The following CDH6 variants were observed in gnomAD, a reference collection of about 807,000 sequenced individuals.
The protein encoded by CDH6 is cadherin 6.
CDH6 carries 31 observed loss-of-function variants against 78.0 expected under a neutral mutation model. That is an observed-to-expected ratio of 0.40 (90% CI 0.30 to 0.54). The LOEUF (loss-of-function observed/expected upper bound fraction) is 0.54, where lower values mean the gene tolerates loss of function less well. Among genes scored for constraint, CDH6 ranks in the 20% least tolerant of loss-of-function variants. The probability of loss-of-function intolerance (pLI) is 0.56; values close to 1 mark genes in which losing one functional copy is unlikely to be tolerated. For missense variants in CDH6, 724 were observed against 975.9 expected (o/e 0.74, Z 3.44); for synonymous variants, 376 against 368.8 (o/e 1.02, Z -0.23).
intron 4 of CDH6, among the ~76,000 whole-genome samples, chr5:31,298,095 T>A (rs1189203151): frequency 6.6e-6 from 1 of 152,238 alleles, no homozygotes; most frequent in Non-Finnish European, 1.5e-5. Flanking sequence ...CAAAGTGAAA[T>A]GCCATCTGGA....
Position 31,293,964 on chromosome 5 carries a change from A to AC in CDH6, c.232dup (p.His78ProfsTer6). The AC allele has an allele frequency of 6.3e-7, 1 of 1,575,344 alleles. No homozygotes were observed. Among genetic ancestry groups the AC allele is most frequent in the African/African-American group, 1.4e-5 (1 of 72,510 alleles). Reference sequence around the variant, plus strand: ...TTAATTTTTTTTTTCTACACTAGTTACATTCAGACCAGGATAGAGGAGATG... The same window carrying AC: ...TTAATTTTTTTTTTCTACACTAGTTACCATTCAGACCAGGATAGAGGAGATG... On this transcript the variant is annotated frameshift_variant, in exon 3 of 12. Coordinates refer to ENST00000265071, the MANE Select transcript of CDH6 (RefSeq NM_004932.4). LOFTEE classifies it high-confidence loss of function.
Position 31,307,797 on chromosome 5 carries a change from C to T in CDH6, c.1253+2370C>T, listed in dbSNP as rs76930860. On this transcript the variant is annotated intron_variant, in intron 7 of 11. Transcript: ENST00000265071. The stretch of plus-strand genomic sequence containing the variant: ...TTTAATTAAAAGAGAGAATGTTTTG[C>T]GAATTCAGGCAATATATTTCCATAT... Among the ~76,000 whole-genome samples the T allele has an allele frequency of 3.4e-4, 52 of 152,098 alleles. No individual in the cohort carries two copies. The East Asian group carries it at 8.5e-3, about 25-fold the overall frequency.
chr5:31,262,987 A>C (rs954588724), intron 1 of CDH6, among the ~76,000 whole-genome samples: 1 of 152,236 alleles, frequency 6.6e-6, no homozygotes, highest in Non-Finnish European at 1.5e-5. Context: ...GCATGCTTGC[A>C]GCATACTAAT....
At chr5:31,213,847 A>T (rs1740786712) in intron 1 of CDH6, among the ~76,000 whole-genome samples, 1 of 38,544 alleles carries the variant, frequency 2.6e-5, no homozygotes, top group Admixed American at 2.9e-4. Flanking sequence ...ACCTGTGCTG[A>T]CATAACATCC....
At chr5:31,319,131 G>A (rs190081552) in intron 11 of CDH6, 5 of 178,100 alleles carry the variant, frequency 2.8e-5, no homozygotes, top group Non-Finnish European at 4.8e-5. Context: ...TGATTTTTTA[G>A]AAGCCTTGGA....
intron 1 of CDH6, among the ~76,000 whole-genome samples, chr5:31,232,478 A>T (rs549714955): frequency 6.6e-6 from 1 of 152,294 alleles, no homozygotes; most frequent in African/African-American, 2.4e-5. Flanking sequence ...GAGCTCCCTC[A>T]AGTGGACATA....
chr5:31,226,757 T>C (rs1349602572), intron 1 of CDH6, among the ~76,000 whole-genome samples: 2 of 152,152 alleles, frequency 1.3e-5, no homozygotes, highest in Admixed American at 1.3e-4. Flanking sequence ...GGAACACAAA[T>C]TCGTCGTTTT....
At chr5:31,235,236 C>CTTTTTTTTTTTTTTTTTTTTTTTTTT (rs543675071) in intron 1 of CDH6, among the ~76,000 whole-genome samples, 3 of 110,642 alleles carry the variant, frequency 2.7e-5, no homozygotes, top group African/African-American at 3.4e-5. Context: ...ATTCCTTTTT[C>CTTTTTTTTTTTTTTTTTTTTTTTTTT]TTTTTTTTTT....
chr5:31,251,171 C>T, intron 1 of CDH6: 1 of 152,256 alleles, frequency 6.6e-6, no homozygotes, highest in East Asian at 1.9e-4. Context: ...CACTTAGAAA[C>T]CCAAAGGGAG....
At chr5:31,201,156 T>G (rs1336124183) in intron 1 of CDH6, among the ~76,000 whole-genome samples, 1 of 152,170 alleles carries the variant, frequency 6.6e-6, no homozygotes, top group African/African-American at 2.4e-5. Flanking sequence ...TTATAATTAT[T>G]CTGTGAAGGG....
chr5:31,222,569 G>C (rs1031042780), intron 1 of CDH6, among the ~76,000 whole-genome samples: 1 of 151,840 alleles, frequency 6.6e-6, no homozygotes, highest in East Asian at 1.9e-4. Flanking sequence ...TCATCTCCTG[G>C]GTGCCAAGTT....
At chr5:31,252,930 G>A (rs1198642391) in intron 1 of CDH6, among the ~76,000 whole-genome samples, 2 of 152,092 alleles carry the variant, frequency 1.3e-5, no homozygotes, top group Admixed American at 1.3e-4. Flanking sequence ...TGATAATGTA[G>A]CAATGTGCTA....
rs1000905183 is a variant in CDH6 at position 31,325,349 on chromosome 5, C to G, written c.*2041C>G. On this transcript the variant is annotated 3_prime_UTR_variant, in exon 12 of 12. Coordinates refer to ENST00000265071, the MANE Select transcript of CDH6 (RefSeq NM_004932.4). ...ACACACACACACACACACACACACA[C>G]ACACACGAATGCAAACAAAAGGCTA... is the stretch of plus-strand genomic sequence containing the variant. The G allele has an allele frequency of 2.6e-5, 6 of 227,218 alleles. No individual in the cohort carries two copies. The highest frequency in any genetic ancestry group is 5.7e-5 in the Admixed American group (1 of 17,408). 14.1% of individuals were successfully genotyped at this position (227,218 alleles called of 1,614,324 possible). A position where few individuals can be genotyped will look rare whatever the true frequency, so the allele number is the denominator to read the frequency against.
chr5:31,293,454 A>T (rs1737475322), intron 2 of CDH6, among the ~76,000 whole-genome samples: 1 of 152,162 alleles, frequency 6.6e-6, no homozygotes, highest in South Asian at 2.1e-4. Flanking sequence ...AGCTTCCCTA[A>T]ATTCACCAAG....
intron 11 of CDH6, among the ~76,000 whole-genome samples, chr5:31,320,098 T>C (rs779415230): frequency 9.8e-5 from 15 of 152,288 alleles, no homozygotes; most frequent in Admixed American, 5.2e-4. Context: ...GGAGACTCAG[T>C]TCCTGCTGAG....
chr5:31,208,136 T>C (rs1740588409), intron 1 of CDH6, among the ~76,000 whole-genome samples: 1 of 152,208 alleles, frequency 6.6e-6, no homozygotes, highest in Non-Finnish European at 1.5e-5. Context: ...CTTTGACACA[T>C]ATAGAATATG....
chr5:31,219,370 A>G (rs915585520), intron 1 of CDH6, among the ~76,000 whole-genome samples: 1 of 152,042 alleles, frequency 6.6e-6, no homozygotes, highest in Non-Finnish European at 1.5e-5. Flanking sequence ...CACACATCAC[A>G]TCCTGTAGGT....
chr5:31,194,110 G>C (rs1056517146), intron 1 of CDH6, among the ~76,000 whole-genome samples: 1 of 151,990 alleles, frequency 6.6e-6, no homozygotes, highest in Admixed American at 6.5e-5. Context: ...GCCGCTTCCC[G>C]GGGAGCCTGG....
chr5:31,239,697 G>T (rs1161210313), intron 1 of CDH6, among the ~76,000 whole-genome samples: 1 of 152,170 alleles, frequency 6.6e-6, no homozygotes, highest in Non-Finnish European at 1.5e-5. Context: ...TTTAAAGGGG[G>T]CGCATGTGAT....
Sources: gnomAD v4.1 joint callset for allele counts (sites outside exome capture counted in the v4.1 genomes callset) on GRCh38, gnomAD v4.1.1 for gene constraint, MANE v1.5 for transcripts, NCBI Gene and HGNC (gene_info 2026-07-23, HGNC 2026-07-21) for gene names.